The following TMEM232 variants were observed in gnomAD, a reference collection of about 807,000 sequenced individuals.
TMEM232 encodes transmembrane protein 232.
Under a neutral mutation model 78.8 loss-of-function variants are expected in TMEM232, and 80 were observed. The ratio of observed to expected loss-of-function variants is 1.01; its 90% CI spans 0.85 to 1.22. TMEM232 has a LOEUF of 1.22. TMEM232 is among the 50% of genes most tolerant of loss of function. The pLI, the probability that TMEM232 is intolerant of heterozygous loss-of-function variation, is 0.00. For synonymous variants in TMEM232, 297 were observed against 254.3 expected (o/e 1.17, Z -1.60); for missense variants, 881 against 742.2 (o/e 1.19, Z -2.17).
intron 2 of TMEM232, among the ~76,000 whole-genome samples, chr5:110,659,580 G>A (rs972509848): frequency 2.6e-5 from 4 of 151,852 alleles, no homozygotes; most frequent in Admixed American, 1.3e-4. Context: ...AAGATACAAG[G>A]GAAAATATGG....
At chr5:110,491,494 G>C (rs1301793577) in intron 12 of TMEM232, among the ~76,000 whole-genome samples, 1 of 151,998 alleles carries the variant, frequency 6.6e-6, no homozygotes, top group Non-Finnish European at 1.5e-5. Flanking sequence ...GCCAGGGACT[G>C]GGGGAAGAGA....
intron 12 of TMEM232, among the ~76,000 whole-genome samples, chr5:110,426,696 T>C (rs568920048): frequency 1.3e-5 from 2 of 152,138 alleles, no homozygotes; most frequent in East Asian, 3.9e-4. Flanking sequence ...TCTTAATGCA[T>C]GCAGAATAGG....
intron 13 of TMEM232, among the ~76,000 whole-genome samples, chr5:110,423,399 A>G (rs1228029469): frequency 3.3e-5 from 5 of 152,206 alleles, no homozygotes; most frequent in African/African-American, 1.2e-4. Flanking sequence ...TAAAGTATAA[A>G]TACAAAACAC....
downstream of TMEM232, among the ~76,000 whole-genome samples, chr5:110,418,743 A>C (rs1005274541): frequency 3.3e-5 from 5 of 152,144 alleles, no homozygotes; most frequent in Non-Finnish European, 5.9e-5. Flanking sequence ...ACATAAACCT[A>C]AGTCTGCAGT....
intron 1 of TMEM232, among the ~76,000 whole-genome samples, chr5:110,695,614 AG>A (rs1794676407): frequency 6.6e-6 from 1 of 152,182 alleles, no homozygotes; most frequent in East Asian, 1.9e-4. Context: ...AAAATGATAA[AG>A]GGGTAACACC....
At chr5:110,590,665 A>C (rs573258530) in intron 10 of TMEM232, among the ~76,000 whole-genome samples, 5 of 152,242 alleles carry the variant, frequency 3.3e-5, no homozygotes, top group Admixed American at 2.0e-4. Flanking sequence ...AAACATCTTC[A>C]TATTATCTTC....
chr5:110,455,155 T>C (rs1430618649), intron 12 of TMEM232, among the ~76,000 whole-genome samples: 1 of 152,150 alleles, frequency 6.6e-6, no homozygotes, highest in Non-Finnish European at 1.5e-5. Context: ...ACTCAATTCA[T>C]AGTTAAATCC....
intron 2 of TMEM232, among the ~76,000 whole-genome samples, chr5:110,408,866 C>G (rs1755889594): frequency 6.6e-6 from 1 of 152,118 alleles, no homozygotes; most frequent in African/African-American, 2.4e-5. Flanking sequence ...ACCTAGCCCA[C>G]CACTCATCAC....
At chr5:110,664,425 G>A (rs1317850883) in intron 2 of TMEM232, among the ~76,000 whole-genome samples, 2 of 152,038 alleles carry the variant, frequency 1.3e-5, no homozygotes, top group African/African-American at 2.4e-5. Context: ...TCATATTCAC[G>A]TATATTAAAG....
chr5:110,613,126 GT>G (rs1052930555), intron 8 of TMEM232, among the ~76,000 whole-genome samples: 11 of 152,064 alleles, frequency 7.2e-5, no homozygotes, highest in Non-Finnish European at 1.5e-4. Context: ...TCTTTCCCCA[GT>G]TTTTCCCTGT....
intron 1 of TMEM232, among the ~76,000 whole-genome samples, chr5:110,679,533 C>T (rs536810048): frequency 2.6e-5 from 4 of 152,164 alleles, no homozygotes; most frequent in African/African-American, 4.8e-5. Flanking sequence ...TTAATGAAGT[C>T]GACCTTATCA....
chr5:110,625,901 A>G (rs1315317972), intron 6 of TMEM232, among the ~76,000 whole-genome samples: 3 of 151,820 alleles, frequency 2.0e-5, no homozygotes, highest in African/African-American at 7.2e-5. Context: ...GTTATTATTT[A>G]CAACAATAAG....
Position 110,652,294 on chromosome 5 carries a change from G to GCACACACACACACGCACACACACACACA in TMEM232, c.126-9924_126-9923insTGTGTGTGTGTGTGCGTGTGTGTGTGTG, listed in dbSNP as rs1788442337. On this transcript the variant is annotated intron_variant, in intron 2 of 13. Coordinates refer to ENST00000455884, the MANE Select transcript of TMEM232 (RefSeq NM_001039763.4). ...CAAGCACACAAAAGTGCACGCGCGC[G>GCACACACACACACGCACACACACACACA]CACACACACACACACACACACACAC... 1.3e-4 allele frequency among the ~76,000 whole-genome samples: 19 copies of GCACACACACACACGCACACACACACACA among 145,452 alleles called. No homozygotes were observed. The South Asian group carries it at 4.2e-3, about 32-fold the overall frequency.
At chr5:110,664,751 G>A (rs998377721) in intron 2 of TMEM232, among the ~76,000 whole-genome samples, 1 of 152,198 alleles carries the variant, frequency 6.6e-6, no homozygotes, top group Non-Finnish European at 1.5e-5. Context: ...ACACAGAGGA[G>A]AGACTAAGTG....
chr5:110,477,537 A>G (rs970954823), intron 12 of TMEM232, among the ~76,000 whole-genome samples: 6 of 151,848 alleles, frequency 4.0e-5, no homozygotes, highest in African/African-American at 1.4e-4. Flanking sequence ...AATATTAACA[A>G]TAATATTACA....
intron 1 of TMEM232, among the ~76,000 whole-genome samples, chr5:110,669,080 A>G (rs1791003230): frequency 6.6e-6 from 1 of 152,218 alleles, no homozygotes; most frequent in South Asian, 2.1e-4. Context: ...TAGAGAAGCA[A>G]GAGCAAACAC....
chr5:110,408,331 C>A (rs914943160), intron 2 of TMEM232, among the ~76,000 whole-genome samples: 14 of 152,138 alleles, frequency 9.2e-5, no homozygotes, highest in African/African-American at 2.9e-4. Flanking sequence ...GTGCCTCACA[C>A]CTGTAATCCC....
intron 12 of TMEM232, among the ~76,000 whole-genome samples, chr5:110,491,229 ATCAT>A (rs1765058067): frequency 6.6e-6 from 1 of 152,060 alleles, no homozygotes. Flanking sequence ...GACATTCAAC[ATCAT>A]TCATCATTAG....
At chr5:110,654,584 T>C (rs1208414175) in intron 2 of TMEM232, among the ~76,000 whole-genome samples, 1 of 152,246 alleles carries the variant, frequency 6.6e-6, no homozygotes, top group East Asian at 1.9e-4. Flanking sequence ...GGTAGCGTGA[T>C]GCCTCCAGCT....
Sources: gnomAD v4.1 joint callset for allele counts (sites outside exome capture counted in the v4.1 genomes callset) on GRCh38, gnomAD v4.1.1 for gene constraint, MANE v1.5 for transcripts, NCBI Gene and HGNC (gene_info 2026-07-23, HGNC 2026-07-21) for gene names.